ITGAX: variants seen among roughly 807,000 people sequenced by gnomAD.
The protein encoded by ITGAX is integrin alpha-X.
ITGAX carries 99 observed loss-of-function variants against 140.2 expected under a neutral mutation model. The ratio of observed to expected loss-of-function variants is 0.71; its 90% CI spans 0.60 to 0.83. The LOEUF (loss-of-function observed/expected upper bound fraction) is 0.83. ITGAX is among the 40% of genes least tolerant of loss of function. ITGAX has a pLI of 0.00. For missense variants in ITGAX, 1,444 were observed against 1,482.0 expected (o/e 0.97, Z 0.42); for synonymous variants, 631 against 600.4 (o/e 1.05, Z -0.75).
chr16:31,369,338 GTCTCC>G lies in ITGAX; in HGVS notation c.1711-1743_1711-1739del, dbSNP rs2080931267. Among the ~76,000 whole-genome samples, 3 of 151,992 alleles carry G rather than the reference GTCTCC, an allele frequency of 2.0e-5. 1 individual carries two copies. Among genetic ancestry groups the G allele is most frequent in the Admixed American group, 1.3e-4 (2 of 15,272 alleles). On this transcript the variant is annotated intron_variant, in intron 14 of 29. Transcript: ENST00000268296. ...GACGGGGCAGCTGGCCGGGCAGAGG[GTCTCC>G]TCACTTCCCAGTAGGGGCGGCCGGG...
chr16:31,361,550 TC>T, intron 9 of ITGAX: 2 of 701,130 alleles, frequency 2.9e-6, no homozygotes, highest in Non-Finnish European at 5.0e-6. Context: ...AGCCACTCAC[TC>T]CCCTGGGCAA....
Position 31,372,483 on chromosome 16 carries a change from G to T in ITGAX, c.2266G>T (p.Asp756Tyr). ...FRNLRPMLAA[D>Y]AQRYFTASLP... ...AAACCTGCGGCCTATGCTGGCCGCCGATGCTCAGAGATACTTCACGGCCTC... is the reference window on the plus strand; with the variant it reads ...AAACCTGCGGCCTATGCTGGCCGCCTATGCTCAGAGATACTTCACGGCCTC... The change falls in exon 18 of 30, where the codon GAT becomes TAT. Residue 756 changes from aspartate (D) to tyrosine (Y), a missense_variant. Transcript: ENST00000268296. 1 of 1,607,370 alleles carries T rather than the reference G, an allele frequency of 6.2e-7. No homozygotes were observed. Among genetic ancestry groups the T allele is most frequent in the Non-Finnish European group, 8.5e-7 (1 of 1,178,346 alleles).
chr16:31,372,743 C>T, intron 19 of ITGAX, 73 bp downstream of exon 19: 1 of 1,383,510 alleles, frequency 7.2e-7, no homozygotes, highest in Non-Finnish European at 1.0e-6. Flanking sequence ...CTGCCTCTGG[C>T]TCTCCCTAAC....
chr16:31,380,691 T>C (rs2081061078), intron 28 of ITGAX, 67 bp downstream of exon 28: 3 of 1,577,630 alleles, frequency 1.9e-6, no homozygotes, highest in Admixed American at 3.4e-5. Context: ...TCTGTGGTGC[T>C]GGGTGGGGGG....
chr16:31,371,582 C>A (rs775718851), intron 16 of ITGAX, 48 bp from the exon 17 acceptor site: 2 of 1,611,286 alleles, frequency 1.2e-6, no homozygotes, highest in South Asian at 2.2e-5. Context: ...TGCTCATTGT[C>A]CACCCAAGGA....
At chr16:31,361,379 A>T in intron 9 of ITGAX, 166 bp downstream of exon 9, 2 of 822,240 alleles carry the variant, frequency 2.4e-6, no homozygotes, top group Admixed American at 2.3e-5. Flanking sequence ...GTCCCCCAGC[A>T]CTGTCAGAGC....
At chr16:31,380,182 G>A (rs143000644) in intron 26 of ITGAX, 84 bp from the exon 27 acceptor site, 131 of 1,522,476 alleles carry the variant, frequency 8.6e-5, no homozygotes, top group Non-Finnish European at 1.1e-4. Flanking sequence ...GGATATGGCC[G>A]CTGCCCTCAA....
Position 31,357,045 on chromosome 16 carries a change from G to A in ITGAX, c.262G>A (p.Val88Met), listed in dbSNP as rs373622931. Residue 88 changes from valine to methionine, a missense_variant, in exon 4 of 30, where the codon GTG becomes ATG. Physicochemically the swap from Val to Met is conservative, Grantham distance 21. Coordinates refer to ENST00000268296, the MANE Select transcript of ITGAX (RefSeq NM_000887.5). Reference protein sequence around the residue: ...PIGLQVPPEAVNMSLGLSLAS... With the variant: ...PIGLQVPPEAMNMSLGLSLAS... ...TGTCCCCACAGTGCCCCCGGAGGCC[G>A]TGAACATGTCCCTGGGCCTGTCCCT... 1.2e-4 allele frequency: 195 copies of A among 1,609,784 alleles called. No individual in the cohort carries two copies. Among genetic ancestry groups the A allele is most frequent in the African/African-American group, 5.1e-4 (38 of 74,772 alleles).
Position 31,382,111 on chromosome 16 carries a change from C to T in ITGAX, c.*204C>T. The T allele has an allele frequency of 1.4e-6, 2 of 1,425,296 alleles. No individual in the cohort carries two copies. The highest frequency in any genetic ancestry group is 1.8e-6 in the Non-Finnish European group (2 of 1,095,780). The allele number at this position is 1,425,296 out of a possible 1,614,324, so 88.3% of individuals were successfully genotyped here. On this transcript the variant is annotated 3_prime_UTR_variant, in exon 30 of 30. Transcript: ENST00000268296. ...CAACTGGAAACCCTTAGGACAGGGTCCCTGCTGTGTTCCCCAAAGGACTTG... is the reference window on the plus strand; with the variant it reads ...CAACTGGAAACCCTTAGGACAGGGTTCCTGCTGTGTTCCCCAAAGGACTTG...
chr16:31,356,111 C>T (rs2080757607), intron 2 of ITGAX, 113 bp downstream of exon 2: 17 of 722,996 alleles, frequency 2.4e-5, no homozygotes, highest in East Asian at 8.0e-5. Context: ...TCTGGTGTAG[C>T]GACTGCCCTG....
Position 31,377,222 on chromosome 16 carries a change from C to T in ITGAX, c.2746C>T (p.Leu916=). 6.2e-7 allele frequency: 1 copy of T among 1,613,786 alleles called. No homozygotes were observed. Among genetic ancestry groups the T allele is most frequent in the East Asian group, 2.2e-5 (1 of 44,862 alleles). ...TPRTSKTTFQ[L]ELPVKYAVYT... ...CAGGACCAGCAAGACCACCTTCCAG[C>T]TGGAGCTCCCGGTGAAGTATGCTGT... Residue 916 remains leucine, a synonymous_variant, in exon 23 of 30, where the codon CTG becomes TTG. Coordinates refer to ENST00000268296, the MANE Select transcript of ITGAX (RefSeq NM_000887.5).
chr16:31,369,663 A>AT (rs1036943132), intron 14 of ITGAX, among the ~76,000 whole-genome samples: 2 of 152,176 alleles, frequency 1.3e-5, no homozygotes, highest in African/African-American at 4.8e-5. Context: ...CCAATCAAAT[A>AT]TTTTATTTTT....
rs1164078129 is a variant in ITGAX, at chr16:31,379,663, C to T, written c.2868+17C>T. 6 of 1,567,824 alleles carry T rather than the reference C, an allele frequency of 3.8e-6. No individual in the cohort carries two copies. Among genetic ancestry groups the T allele is most frequent in the Non-Finnish European group, 5.2e-6 (6 of 1,155,878 alleles). ...AGATACCAGGCAGGTGGTGGAGACG[C>T]AGGAGACTGGGCTGGGGTGGGAGGC... On this transcript the variant is annotated intron_variant, in intron 24 of 29. Transcript: ENST00000268296.
At chr16:31,365,371 A>C (rs2080882687) in intron 14 of ITGAX, among the ~76,000 whole-genome samples, 2 of 152,230 alleles carry the variant, frequency 1.3e-5, no homozygotes, top group African/African-American at 4.8e-5. Flanking sequence ...TATGTGGTCT[A>C]TAGCTCAAAA....
intron 9 of ITGAX, 94 bp from the exon 10 acceptor site, chr16:31,361,742 C>G: frequency 7.6e-7 from 1 of 1,310,040 alleles, no homozygotes; most frequent in Non-Finnish European, 1.1e-6. Flanking sequence ...CTCCCTGTAG[C>G]CTCCAGTCTT....
rs968666673 is a variant in ITGAX, at chr16:31,361,182, C to T, written c.981C>T (p.Asn327=). ...TTGATGCTCTGAAAGATATTCAAAA[C>T]CAACTGAAGGAGAAGATCTTTGCCA... The part of the protein sequence containing the change: ...EDFDALKDIQ[N]QLKEKIFAIE... Residue 327 remains asparagine (N), a synonymous_variant, in exon 9 of 30, where the codon AAC becomes AAT. Coordinates refer to ENST00000268296, the MANE Select transcript of ITGAX (RefSeq NM_000887.5). 1 of 1,613,202 alleles carries T rather than the reference C, an allele frequency of 6.2e-7. No individual in the cohort carries two copies. The highest frequency in any genetic ancestry group is 8.5e-7 in the Non-Finnish European group (1 of 1,179,578).
In ITGAX at chr16:31,355,842, C is replaced by T; in HGVS notation, c.38-51C>T. 4 of 1,414,192 alleles carry T rather than the reference C, an allele frequency of 2.8e-6. No individual in the cohort carries two copies. The South Asian group carries it at 3.6e-5, about 13-fold the overall frequency. The allele number at this position is 1,414,192 out of a possible 1,614,324, so 87.6% of individuals were successfully genotyped here. ...GCTGGGGCCGGGGGTGGAGGGCAGC[C>T]AGGCAGAAGGAAGACCCTTCTCCAA... On this transcript the variant is annotated intron_variant, in intron 1 of 29. Coordinates refer to ENST00000268296, the MANE Select transcript of ITGAX (RefSeq NM_000887.5).
chr16:31,371,895 C>A, intron 17 of ITGAX, 111 bp downstream of exon 17: 1 of 1,310,384 alleles, frequency 7.6e-7, no homozygotes, highest in Non-Finnish European at 1.0e-6. Flanking sequence ...CAGCACAGGA[C>A]CAGCCATGCA....
At chr16:31,361,552 C>T (rs2080825697) in intron 9 of ITGAX, 1 of 708,408 alleles carries the variant, frequency 1.4e-6, no homozygotes, top group Admixed American at 2.4e-5. Flanking sequence ...CCACTCACTC[C>T]CCTGGGCAAG....
Sources: allele counts gnomAD v4.1 joint callset (sites outside exome capture counted in the v4.1 genomes callset), GRCh38; gene constraint gnomAD v4.1.1; transcripts MANE v1.5; gene names NCBI Gene and HGNC (gene_info 2026-07-23, HGNC 2026-07-21).